Variants in EML6 observed in about 807,000 individuals in gnomAD.
EML6 encodes EMAP like 6.
A neutral mutation model predicts 240.1 loss-of-function variants in EML6; 154 were observed. That is an observed-to-expected ratio of 0.64 (90% CI 0.56 to 0.73). The LOEUF (loss-of-function observed/expected upper bound fraction) is 0.73. Among genes scored for constraint, EML6 ranks in the 30% least tolerant of loss-of-function variants. The probability of loss-of-function intolerance (pLI) is 0.00; values close to 1 mark genes in which losing one functional copy is unlikely to be tolerated. For synonymous variants in EML6, 1,148 were observed against 899.0 expected, an observed-to-expected ratio of 1.28 and a Z score of -4.95; for missense variants, 2,964 against 2,474.6, an observed-to-expected ratio of 1.20 and a Z score of -4.20.
At chr2:54,878,962 A>G (rs2103972386) in intron 16 of EML6, among the ~76,000 whole-genome samples, 1 of 152,376 alleles carries the variant, frequency 6.6e-6, no homozygotes, top group South Asian at 2.1e-4. Flanking sequence ...ATTTCCTATA[A>G]CAAGTACACT....
chr2:54,957,399 T>A (rs554707664), intron 32 of EML6, among the ~76,000 whole-genome samples: 104 of 144,448 alleles, frequency 7.2e-4, no homozygotes, highest in African/African-American at 2.5e-3. Context: ...TGAGTCCCAG[T>A]GGCCCTCTGG....
At chr2:54,905,082 C>T (rs1182071445) in intron 24 of EML6, among the ~76,000 whole-genome samples, 1 of 152,132 alleles carries the variant, frequency 6.6e-6, no homozygotes, top group East Asian at 1.9e-4. Context: ...GTCTGTTTCG[C>T]TTTCATGTCA....
At chr2:54,816,351 C>G (rs1036793594) in intron 3 of EML6, among the ~76,000 whole-genome samples, 16 of 152,138 alleles carry the variant, frequency 1.1e-4, no homozygotes, top group African/African-American at 3.9e-4. Context: ...AATTAATGTT[C>G]ATTTATTCTA....
intron 28 of EML6, among the ~76,000 whole-genome samples, chr2:54,932,660 A>G (rs1477734652): frequency 3.3e-5 from 5 of 152,218 alleles, no homozygotes; most frequent in African/African-American, 1.2e-4. Context: ...GAAGGAGGAA[A>G]GCATAGTTTT....
chr2:54,845,409 G>C (rs1669695294), intron 8 of EML6, among the ~76,000 whole-genome samples: 1 of 152,162 alleles, frequency 6.6e-6, no homozygotes, highest in Non-Finnish European at 1.5e-5. Flanking sequence ...TCGCTTTTAT[G>C]TTTCAACAAT....
intron 2 of EML6, among the ~76,000 whole-genome samples, chr2:54,803,227 G>A (rs544942878): frequency 6.6e-6 from 1 of 152,168 alleles, no homozygotes; most frequent in Non-Finnish European, 1.5e-5. Context: ...TGTAGTTTCT[G>A]TATGGCCAGG....
intron 2 of EML6, among the ~76,000 whole-genome samples, chr2:54,797,667 G>C (rs974553214): frequency 6.6e-6 from 1 of 152,076 alleles, no homozygotes; most frequent in African/African-American, 2.4e-5. Context: ...CTTCAGCTAA[G>C]GTCTTTGGGA....
At chr2:54,924,592 G>A (rs1354593061) in intron 26 of EML6, among the ~76,000 whole-genome samples, 4 of 151,906 alleles carry the variant, frequency 2.6e-5, no homozygotes. Context: ...TGGAGTTTTT[G>A]CTCTTGTTGC....
intron 2 of EML6, among the ~76,000 whole-genome samples, chr2:54,777,472 A>G (rs1420981690): frequency 1.3e-5 from 2 of 152,150 alleles, no homozygotes; most frequent in Non-Finnish European, 2.9e-5. Flanking sequence ...TAGACCTCAA[A>G]ACTTTTGGTC....
intron 26 of EML6, among the ~76,000 whole-genome samples, chr2:54,927,239 C>T (rs1488005045): frequency 6.6e-6 from 1 of 152,230 alleles, no homozygotes; most frequent in Non-Finnish European, 1.5e-5. Context: ...CTGCCATCAG[C>T]TAGTAGTTGG....
chr2:54,826,277 G>A (rs1668588186), intron 5 of EML6, among the ~76,000 whole-genome samples: 1 of 152,118 alleles, frequency 6.6e-6, no homozygotes, highest in African/African-American at 2.4e-5. Flanking sequence ...TATGCAAATA[G>A]CCCTTATAAC....
chr2:54,968,392 G>A (rs1676844029), intron 40 of EML6, 111 bp downstream of exon 40: 8 of 1,053,638 alleles, frequency 7.6e-6, no homozygotes, highest in Non-Finnish European at 1.1e-5. Flanking sequence ...CCCTGTCCCG[G>A]TACAGTGGAA....
At chr2:54,875,447 C>T (rs934390211) in intron 16 of EML6, among the ~76,000 whole-genome samples, 1 of 152,202 alleles carries the variant, frequency 6.6e-6, no homozygotes, top group Non-Finnish European at 1.5e-5. Context: ...CGCTGCCCAT[C>T]TCTTAGGAGT....
chr2:54,876,220 C>T (rs190059277), intron 16 of EML6, among the ~76,000 whole-genome samples: 32 of 152,132 alleles, frequency 2.1e-4, no homozygotes, highest in African/African-American at 6.8e-4. Flanking sequence ...GCTAAGACCA[C>T]GGCTTACAGG....
At chr2:54,798,086 G>A (rs1361453333) in intron 2 of EML6, among the ~76,000 whole-genome samples, 1 of 152,056 alleles carries the variant, frequency 6.6e-6, no homozygotes, top group Admixed American at 6.5e-5. Flanking sequence ...AGGAGGTTTG[G>A]TACCTTAACA....
chr2:54,750,326 C>T (rs1390563068), intron 2 of EML6, among the ~76,000 whole-genome samples: 1 of 152,198 alleles, frequency 6.6e-6, no homozygotes, highest in African/African-American at 2.4e-5. Context: ...ACTTACTCAC[C>T]AGCCAGTCTA....
intron 2 of EML6, among the ~76,000 whole-genome samples, chr2:54,800,521 A>G (rs1334038517): frequency 6.6e-6 from 1 of 152,138 alleles, no homozygotes; most frequent in Non-Finnish European, 1.5e-5. Flanking sequence ...CCCCTCCCAC[A>G]CAGATGCTTT....
intron 9 of EML6, among the ~76,000 whole-genome samples, chr2:54,849,523 C>T (rs1489656814): frequency 3.3e-5 from 5 of 152,236 alleles, no homozygotes; most frequent in African/African-American, 1.2e-4. Context: ...GAGTCTTGCT[C>T]TGTCGCCCAA....
chr2:54,864,796 C>G (rs1159748030), intron 13 of EML6, among the ~76,000 whole-genome samples: 1 of 152,194 alleles, frequency 6.6e-6, no homozygotes, highest in Non-Finnish European at 1.5e-5. Flanking sequence ...ATTCTATGCA[C>G]TACTTGGTTT....
Sources: allele counts gnomAD v4.1 joint callset (sites outside exome capture counted in the v4.1 genomes callset), GRCh38; gene constraint gnomAD v4.1.1; transcripts MANE v1.5; gene names NCBI Gene and HGNC (gene_info 2026-07-23, HGNC 2026-07-21).